Variants in DENND4A observed in about 807,000 individuals in gnomAD.
The protein encoded by DENND4A is DENN domain containing 4A.
In DENND4A, 70 loss-of-function variants were observed where a neutral mutation model predicts 199.3. The observed-to-expected ratio is 0.35, with a 90% CI of 0.29 to 0.43. The LOEUF (loss-of-function observed/expected upper bound fraction) is 0.43. Ranked by LOEUF, DENND4A falls within the 20% of genes least tolerant of loss-of-function variation. The probability of loss-of-function intolerance (pLI) is 1.00; values close to 1 mark genes in which losing one functional copy is unlikely to be tolerated. For synonymous variants in DENND4A, 686 were observed against 766.9 expected (o/e 0.89, Z 1.74); for missense variants, 1,723 against 2,255.8 (o/e 0.76, Z 4.78).
chr15:65,775,982 T>C (rs991419669), intron 1 of DENND4A, among the ~76,000 whole-genome samples: 4 of 152,224 alleles, frequency 2.6e-5, no homozygotes, highest in Non-Finnish European at 2.9e-5. Flanking sequence ...TCAACTGCTA[T>C]GTAATATTGG....
At chr15:65,694,480 G>C (rs1209305185) in intron 22 of DENND4A, among the ~76,000 whole-genome samples, 1 of 151,438 alleles carries the variant, frequency 6.6e-6, no homozygotes, top group African/African-American at 2.4e-5. Flanking sequence ...ATAGGGTGAT[G>C]ATTTTATTTC....
At chr15:65,708,515 A>C (rs1335830789) in intron 14 of DENND4A, among the ~76,000 whole-genome samples, 3 of 152,140 alleles carry the variant, frequency 2.0e-5, no homozygotes. Flanking sequence ...ACTTCCTTCT[A>C]CTTATATACC....
At chr15:65,690,359 GT>G (rs2076930221) in intron 23 of DENND4A, 55 bp downstream of exon 23, 1 of 1,485,454 alleles carries the variant, frequency 6.7e-7, no homozygotes, top group African/African-American at 1.4e-5. Context: ...GGGGCTTTTG[GT>G]GGTGATGGAT....
At position 65,674,429 on chromosome 15, in the gene DENND4A, T is replaced by C. The variant is rs117746447; in HGVS notation, c.4369+2016A>G. On this transcript the variant is annotated intron_variant, in intron 24 of 32. Coordinates refer to ENST00000443035, the MANE Select transcript of DENND4A (RefSeq NM_001320835.1). ...GAATGTTGTTTCTTGAGCTGAGTGC[T>C]GATTACTCAGGTGTGCTGAATTTGT... 2.7e-3 allele frequency among the ~76,000 whole-genome samples: 408 copies of C among 152,302 alleles called. 16 individuals carry two copies. The East Asian group carries it at 0.068, about 25-fold the overall frequency.
intron 5 of DENND4A, 101 bp from the exon 6 acceptor site, chr15:65,738,976 G>A: frequency 1.2e-6 from 1 of 868,656 alleles, no homozygotes; most frequent in Non-Finnish European, 1.7e-6. Flanking sequence ...CATTTGGAAT[G>A]CCAAAGCATT....
chr15:65,782,893 G>T (rs2077469730), intron 1 of DENND4A, among the ~76,000 whole-genome samples: 1 of 150,274 alleles, frequency 6.7e-6, no homozygotes, highest in African/African-American at 2.4e-5. Flanking sequence ...CAAATGTAAA[G>T]ATGTCAACTA....
chr15:65,674,756 T>C (rs1175576249), intron 24 of DENND4A, among the ~76,000 whole-genome samples: 1 of 151,426 alleles, frequency 6.6e-6, no homozygotes, highest in African/African-American at 2.4e-5. Flanking sequence ...AAAAGACACA[T>C]TATATGTTAC....
chr15:65,696,577 T>C, intron 21 of DENND4A, 80 bp from the exon 22 acceptor site: 1 of 1,018,194 alleles, frequency 9.8e-7, no homozygotes, highest in Non-Finnish European at 1.4e-6. Flanking sequence ...TTTTCAGTTC[T>C]ACATATTTTT....
chr15:65,681,553 T>G (rs1323815280), intron 23 of DENND4A, among the ~76,000 whole-genome samples: 2 of 151,654 alleles, frequency 1.3e-5, no homozygotes, highest in Non-Finnish European at 2.9e-5. Flanking sequence ...ATCATTCAAC[T>G]TGACTCCTTG....
chr15:65,719,547 G>A (rs2075538881), intron 12 of DENND4A, among the ~76,000 whole-genome samples: 1 of 151,926 alleles, frequency 6.6e-6, no homozygotes, highest in Admixed American at 6.6e-5. Context: ...CTGATATAAG[G>A]ACGCAATGAG....
At chr15:65,703,093 C>A (rs560377068) in intron 15 of DENND4A, 85 bp from the exon 16 acceptor site, 25 of 1,219,388 alleles carry the variant, frequency 2.1e-5, no homozygotes, top group Non-Finnish European at 2.7e-5. Flanking sequence ...AATATAATTA[C>A]GACCAATAAC....
At chr15:65,720,168 A>C (rs1183096284) in intron 12 of DENND4A, among the ~76,000 whole-genome samples, 3 of 152,160 alleles carry the variant, frequency 2.0e-5, no homozygotes, top group African/African-American at 7.2e-5. Flanking sequence ...TCTCAATGTT[A>C]ATTTTCTGAT....
At chr15:65,665,500 A>G (rs1277085385) in intron 29 of DENND4A, 38 bp from the exon 30 acceptor site, 3 of 1,458,426 alleles carry the variant, frequency 2.1e-6, no homozygotes, top group South Asian at 2.7e-5. Context: ...TGATCCTTAC[A>G]TGATAATTTT....
At chr15:65,694,256 T>C (rs2077066700) in intron 22 of DENND4A, among the ~76,000 whole-genome samples, 1 of 152,064 alleles carries the variant, frequency 6.6e-6, no homozygotes, top group Non-Finnish European at 1.5e-5. Context: ...TGAGACCAGC[T>C]TGGCCAACAT....
intron 30 of DENND4A, chr15:65,665,060 T>G: frequency 2.2e-6 from 1 of 456,026 alleles, no homozygotes. Flanking sequence ...TGCTGAAAGC[T>G]GAATTCTGCA....
chr15:65,763,308 A>G (rs1471283764), intron 1 of DENND4A, among the ~76,000 whole-genome samples: 1 of 152,192 alleles, frequency 6.6e-6, no homozygotes, highest in African/African-American at 2.4e-5. Context: ...CCCAGACACA[A>G]GATTCATCTA....
chr15:65,675,564 TAA>T (rs915458210), intron 24 of DENND4A, among the ~76,000 whole-genome samples: 2 of 139,688 alleles, frequency 1.4e-5, no homozygotes, highest in Non-Finnish European at 3.2e-5. Flanking sequence ...CTAAAAACAT[TAA>T]AAAAAAAAAG....
At chr15:65,762,103 G>A (rs899746025) in intron 1 of DENND4A, among the ~76,000 whole-genome samples, 4 of 152,118 alleles carry the variant, frequency 2.6e-5, no homozygotes, top group Non-Finnish European at 5.9e-5. Context: ...CACCTCCTGG[G>A]TTCAAGAGAT....
chr15:65,677,449 T>A (rs1431868852), intron 23 of DENND4A, among the ~76,000 whole-genome samples: 2 of 152,182 alleles, frequency 1.3e-5, no homozygotes, highest in African/African-American at 4.8e-5. Context: ...CCTCAAGTGA[T>A]CCACCTGCCT....
Sources: gnomAD v4.1 joint callset for allele counts (sites outside exome capture counted in the v4.1 genomes callset) on GRCh38, gnomAD v4.1.1 for gene constraint, MANE v1.5 for transcripts, NCBI Gene and HGNC (gene_info 2026-07-23, HGNC 2026-07-21) for gene names.